The following ARHGAP24 variants were observed in gnomAD, a reference collection of about 807,000 sequenced individuals.
The protein encoded by ARHGAP24 is rho GTPase-activating protein 24.
A neutral mutation model predicts 76.4 loss-of-function variants in ARHGAP24; 50 were observed. The ratio of observed to expected loss-of-function variants is 0.65; its 90% CI spans 0.52 to 0.83. The LOEUF (loss-of-function observed/expected upper bound fraction) is 0.83, where lower values mean the gene tolerates loss of function less well. ARHGAP24 is among the 40% of genes least tolerant of loss of function. ARHGAP24 has a pLI of 0.00. For missense variants in ARHGAP24, 930 were observed against 914.2 expected (o/e 1.02, Z -0.22); for synonymous variants, 345 against 323.3 (o/e 1.07, Z -0.72).
intron 4 of ARHGAP24, among the ~76,000 whole-genome samples, chr4:85,935,780 T>C (rs777063194): frequency 2.0e-5 from 3 of 152,342 alleles, no homozygotes; most frequent in South Asian, 2.1e-4. Context: ...ATTGCTCCAA[T>C]GGTCAAAGAC....
chr4:85,631,765 G>C, intron 2 of ARHGAP24, among the ~76,000 whole-genome samples: 1 of 151,728 alleles, frequency 6.6e-6, no homozygotes, highest in Admixed American at 6.6e-5. Context: ...CTGGGTGAGT[G>C]AAAAAAAATT....
At chr4:85,622,069 C>A (rs1357773606) in intron 2 of ARHGAP24, among the ~76,000 whole-genome samples, 1 of 151,676 alleles carries the variant, frequency 6.6e-6, no homozygotes, top group Non-Finnish European at 1.5e-5. Context: ...AAGATATTTT[C>A]AAATTTCCAT....
At chr4:85,720,953 G>C (rs1724910347) in intron 2 of ARHGAP24, among the ~76,000 whole-genome samples, 1 of 152,028 alleles carries the variant, frequency 6.6e-6, no homozygotes, top group South Asian at 2.1e-4. Context: ...GGCTGCAGTG[G>C]GTACAGTGAA....
intron 5 of ARHGAP24, among the ~76,000 whole-genome samples, chr4:85,952,272 G>C (rs1737656542): frequency 6.6e-6 from 1 of 152,272 alleles, no homozygotes; most frequent in African/African-American, 2.4e-5. Context: ...AGTTTTCACT[G>C]TGTGTGATCT....
chr4:85,805,646 G>A (rs571558236), intron 3 of ARHGAP24, among the ~76,000 whole-genome samples: 1 of 152,150 alleles, frequency 6.6e-6, no homozygotes, highest in Non-Finnish European at 1.5e-5. Flanking sequence ...AGGCTTTATG[G>A]CTTGAAATAC....
At chr4:85,988,498 G>T (rs561811785) in intron 8 of ARHGAP24, among the ~76,000 whole-genome samples, 2 of 151,298 alleles carry the variant, frequency 1.3e-5, no homozygotes, top group Non-Finnish European at 3.0e-5. Flanking sequence ...AAAGTAGACC[G>T]TAATAAATTA....
intron 3 of ARHGAP24, among the ~76,000 whole-genome samples, chr4:85,847,942 T>G (rs1186629765): frequency 6.6e-6 from 1 of 152,128 alleles, no homozygotes; most frequent in African/African-American, 2.4e-5. Flanking sequence ...CATTTTTCAG[T>G]TGAAGAAAAT....
At chr4:85,829,695 C>G (rs1180085937) in intron 3 of ARHGAP24, among the ~76,000 whole-genome samples, 1 of 152,206 alleles carries the variant, frequency 6.6e-6, no homozygotes, top group African/African-American at 2.4e-5. Context: ...ACATGACTAT[C>G]ACCATGACTG....
At chr4:85,648,407 A>G (rs1721806969) in intron 2 of ARHGAP24, among the ~76,000 whole-genome samples, 1 of 152,162 alleles carries the variant, frequency 6.6e-6, no homozygotes, top group Non-Finnish European at 1.5e-5. Flanking sequence ...ACTTAAAACT[A>G]GTTTGAAAAC....
rs189481021 is a variant in ARHGAP24 at position 85,846,765 on chromosome 4, A to C, written c.269-76883A>C. ...GCCTTTTAACTGGGAAAAAGCAATA[A>C]GGAAACAGACTTACACAGTTTGCTT... On this transcript the variant is annotated intron_variant, in intron 3 of 9. Coordinates refer to ENST00000395184, the MANE Select transcript of ARHGAP24 (RefSeq NM_001025616.3). Among the ~76,000 whole-genome samples, 312 of 152,362 alleles carry C rather than the reference A, an allele frequency of 2.0e-3. 2 individuals are homozygous for C. The highest frequency in any genetic ancestry group is 3.5e-3 in the Non-Finnish European group (235 of 68,026).
intron 1 of ARHGAP24, among the ~76,000 whole-genome samples, chr4:85,480,994 C>T (rs1426324518): frequency 1.3e-5 from 2 of 152,020 alleles, no homozygotes; most frequent in Non-Finnish European, 2.9e-5. Context: ...TTTTCAAATT[C>T]TCCAAAAAGG....
At chr4:85,784,347 A>C (rs1727708411) in intron 3 of ARHGAP24, among the ~76,000 whole-genome samples, 2 of 146,272 alleles carry the variant, frequency 1.4e-5, no homozygotes, top group Admixed American at 6.8e-5. Flanking sequence ...TTTTCTTCCC[A>C]CCTTCTTGGT....
At chr4:85,555,728 T>C (rs569640287) in intron 1 of ARHGAP24, among the ~76,000 whole-genome samples, 59 of 152,264 alleles carry the variant, frequency 3.9e-4, no homozygotes, top group African/African-American at 1.3e-3. Context: ...AAGAGGGCCT[T>C]TCACTTGTCT....
chr4:85,646,544 C>G (rs1019145334), intron 2 of ARHGAP24, among the ~76,000 whole-genome samples: 1 of 152,004 alleles, frequency 6.6e-6, no homozygotes, highest in Non-Finnish European at 1.5e-5. Flanking sequence ...CTATATTCCT[C>G]TTTAGTTCAA....
chr4:85,865,093 A>G (rs1437016410), intron 3 of ARHGAP24, among the ~76,000 whole-genome samples: 1 of 152,116 alleles, frequency 6.6e-6, no homozygotes, highest in Non-Finnish European at 1.5e-5. Context: ...AGATGTAGAA[A>G]TGACTTGATG....
chr4:85,627,878 G>C (rs11727007), intron 2 of ARHGAP24, among the ~76,000 whole-genome samples: 3 of 152,134 alleles, frequency 2.0e-5, no homozygotes, highest in African/African-American at 2.4e-5. Context: ...CTCCGAGCCA[G>C]GTGCGGGATA....
intron 2 of ARHGAP24, among the ~76,000 whole-genome samples, chr4:85,638,730 A>G (rs559850899): frequency 1.3e-5 from 2 of 152,184 alleles, no homozygotes; most frequent in African/African-American, 2.4e-5. Flanking sequence ...AGAGTATACT[A>G]TCATGGGTAG....
intron 3 of ARHGAP24, among the ~76,000 whole-genome samples, chr4:85,837,039 T>TG (rs78015362): frequency 0.093 from 14,211 of 152,196 alleles, 976 homozygotes; most frequent in East Asian, 0.38. Context: ...ATAGCAAGTA[T>TG]GGGGTCATCA....
chr4:85,561,578 G>C (rs558870301), intron 1 of ARHGAP24, among the ~76,000 whole-genome samples: 1 of 152,126 alleles, frequency 6.6e-6, no homozygotes, highest in South Asian at 2.1e-4. Context: ...AATATTTTTC[G>C]TTATGTAGTT....
Sources: allele counts gnomAD v4.1 joint callset (sites outside exome capture counted in the v4.1 genomes callset), GRCh38; gene constraint gnomAD v4.1.1; transcripts MANE v1.5; gene names NCBI Gene and HGNC (gene_info 2026-07-23, HGNC 2026-07-21).